The following RCOR1 variants were observed in gnomAD, a reference collection of about 807,000 sequenced individuals.
RCOR1 encodes REST corepressor 1, also known as REST corepressor.
A neutral mutation model predicts 64.0 loss-of-function variants in RCOR1; 12 were observed. That is an observed-to-expected ratio of 0.19 (90% CI 0.12 to 0.30). The LOEUF (loss-of-function observed/expected upper bound fraction) is 0.30. Among genes scored for constraint, RCOR1 ranks in the 10% least tolerant of loss-of-function variants. The probability of loss-of-function intolerance (pLI) is 1.00; values close to 1 mark genes in which losing one functional copy is unlikely to be tolerated. For missense variants in RCOR1, 502 were observed against 621.2 expected, an observed-to-expected ratio of 0.81 and a Z score of 2.04; for synonymous variants, 279 against 227.2, an observed-to-expected ratio of 1.23 and a Z score of -2.05.
At chr14:102,691,183 C>G (rs1403060801) in intron 3 of RCOR1, among the ~76,000 whole-genome samples, 4 of 152,218 alleles carry the variant, frequency 2.6e-5, no homozygotes, top group Admixed American at 6.5e-5. Flanking sequence ...TAAATAAGTT[C>G]ATTGAGCGCC....
At chr14:102,607,910 G>A (rs755845837) in intron 2 of RCOR1, among the ~76,000 whole-genome samples, 17 of 151,990 alleles carry the variant, frequency 1.1e-4, no homozygotes, top group Non-Finnish European at 1.2e-4. Context: ...CAAAAAATTA[G>A]CCAGGTGTGG....
chr14:102,676,606 G>A (rs1434983647), intron 2 of RCOR1, among the ~76,000 whole-genome samples: 7 of 88,088 alleles, frequency 7.9e-5, no homozygotes, highest in South Asian at 8.9e-4. Context: ...CTCACCTCCC[G>A]GACGGGGCGG....
At chr14:102,677,343 C>T (rs1490040594) in intron 2 of RCOR1, among the ~76,000 whole-genome samples, 2 of 139,682 alleles carry the variant, frequency 1.4e-5, no homozygotes, top group African/African-American at 5.9e-5. Flanking sequence ...GGGCTGACCC[C>T]CCCCCCACCT....
intron 2 of RCOR1, among the ~76,000 whole-genome samples, chr14:102,677,347 C>G (rs1303729439): frequency 3.6e-5 from 5 of 140,778 alleles, no homozygotes; most frequent in South Asian, 2.2e-4. Flanking sequence ...TGACCCCCCC[C>G]CCACCTCCCT....
chr14:102,679,918 A>G (rs1048953443), intron 2 of RCOR1, among the ~76,000 whole-genome samples: 5 of 152,120 alleles, frequency 3.3e-5, no homozygotes, highest in Non-Finnish European at 5.9e-5. Context: ...GCCTTTCTTT[A>G]TGAATTGTAG....
At chr14:102,653,971 CTTTCT>C (rs1894659110) in intron 2 of RCOR1, among the ~76,000 whole-genome samples, 2 of 37,434 alleles carry the variant, frequency 5.3e-5, no homozygotes, top group Admixed American at 6.0e-4. Context: ...TTCTTTCTTT[CTTTCT>C]TTCTTTCTTT....
intron 2 of RCOR1, among the ~76,000 whole-genome samples, chr14:102,610,085 G>A (rs1423416131): frequency 6.6e-6 from 1 of 151,422 alleles, no homozygotes; most frequent in Non-Finnish European, 1.5e-5. Context: ...AGCCGAGATT[G>A]CGCCATTGCG....
intron 3 of RCOR1, among the ~76,000 whole-genome samples, chr14:102,700,678 G>A (rs116255471): frequency 6.6e-6 from 1 of 152,226 alleles, no homozygotes; most frequent in Non-Finnish European, 1.5e-5. Flanking sequence ...TTTTAAAGAA[G>A]ACTCATAATC....
chr14:102,599,074 C>G (rs1893329671), intron 2 of RCOR1, among the ~76,000 whole-genome samples: 1 of 151,926 alleles, frequency 6.6e-6, no homozygotes, highest in Non-Finnish European at 1.5e-5. Context: ...CTGGTTGGTT[C>G]TTTCCTACAT....
At chr14:102,683,233 A>T (rs1895341893) in intron 3 of RCOR1, among the ~76,000 whole-genome samples, 1 of 152,208 alleles carries the variant, frequency 6.6e-6, no homozygotes, top group Non-Finnish European at 1.5e-5. Context: ...TAAAAAAACT[A>T]ACCTGTCCAC....
Position 102,726,815 on chromosome 14 carries a change from A to G in RCOR1, c.*309A>G, listed in dbSNP as rs993886931. The G allele has an allele frequency of 4.9e-5, 17 of 348,812 alleles. No individual in the cohort carries two copies. The highest frequency in any genetic ancestry group is 3.0e-4 in the African/African-American group (14 of 45,998). The allele number at this position is 348,812 out of a possible 1,614,324, so 21.6% of individuals were successfully genotyped here. ...CCGCCGGAGCCCCCGAGCCCCACCAATGGCAGCTCTTCCCAGTCAGCAGCT... is the reference window on the plus strand; with the variant it reads ...CCGCCGGAGCCCCCGAGCCCCACCAGTGGCAGCTCTTCCCAGTCAGCAGCT... On this transcript the variant is annotated 3_prime_UTR_variant, in exon 12 of 12. Coordinates refer to ENST00000262241, the MANE Select transcript of RCOR1 (RefSeq NM_015156.4).
Position 102,679,729 on chromosome 14 carries a change from C to T in RCOR1, c.362-2166C>T, listed in dbSNP as rs1212327498. 4.6e-5 allele frequency among the ~76,000 whole-genome samples: 7 copies of T among 152,140 alleles called. No individual in the cohort carries two copies. The East Asian group carries it at 5.8e-4, about 13-fold the overall frequency. On this transcript the variant is annotated intron_variant, in intron 2 of 11. Transcript: ENST00000262241. ...CCCTGACTTCATGATCCTCCTGCCT[C>T]GGCCTCCCAAAGTGCTGGGATTACA...
chr14:102,615,447 CTTTT>C (rs560136180), intron 2 of RCOR1, among the ~76,000 whole-genome samples: 1 of 131,888 alleles, frequency 7.6e-6, no homozygotes, highest in African/African-American at 2.8e-5. Context: ...CTGCATAATT[CTTTT>C]TTTTTTTTTT....
chr14:102,648,636 A>C (rs143820148), intron 2 of RCOR1, among the ~76,000 whole-genome samples: 1 of 152,320 alleles, frequency 6.6e-6, no homozygotes, highest in South Asian at 2.1e-4. Flanking sequence ...TTTATTGTCT[A>C]TATCTCTGCC....
intron 2 of RCOR1, among the ~76,000 whole-genome samples, chr14:102,661,814 T>C (rs558336624): frequency 6.6e-6 from 1 of 152,320 alleles, no homozygotes; most frequent in South Asian, 2.1e-4. Flanking sequence ...TCTATTGCAA[T>C]GGCACGATCA....
chr14:102,715,648 G>A (rs75170038), intron 8 of RCOR1, among the ~76,000 whole-genome samples: 3 of 152,264 alleles, frequency 2.0e-5, no homozygotes, highest in East Asian at 3.9e-4. Context: ...CTCCCAAAGT[G>A]TACTGAGATT....
intron 2 of RCOR1, among the ~76,000 whole-genome samples, chr14:102,639,439 A>G (rs1894314922): frequency 1.3e-5 from 2 of 150,672 alleles, no homozygotes; most frequent in Non-Finnish European, 3.0e-5. Context: ...CTCCCCCTCC[A>G]GTAGCTGGGA....
At chr14:102,694,671 G>T (rs1895609085) in intron 3 of RCOR1, among the ~76,000 whole-genome samples, 2 of 152,200 alleles carry the variant, frequency 1.3e-5, no homozygotes. Context: ...TTGGCTTCCT[G>T]TGCTGTTTTC....
intron 2 of RCOR1, among the ~76,000 whole-genome samples, chr14:102,641,456 C>T (rs1567418795): frequency 6.6e-6 from 1 of 151,752 alleles, no homozygotes; most frequent in South Asian, 2.1e-4. Context: ...AAAAATTAGC[C>T]GGTTATGGTG....
Sources: gnomAD v4.1 joint callset for allele counts (sites outside exome capture counted in the v4.1 genomes callset) on GRCh38, gnomAD v4.1.1 for gene constraint, MANE v1.5 for transcripts, NCBI Gene and HGNC (gene_info 2026-07-23, HGNC 2026-07-21) for gene names.